SLFN14: variants seen among roughly 807,000 people sequenced by gnomAD.
SLFN14 encodes the protein protein SLFN14.
A neutral mutation model predicts 58.6 loss-of-function variants in SLFN14; 47 were observed. The observed-to-expected ratio is 0.80, with a 90% CI of 0.64 to 1.02. The LOEUF is 1.02. Among genes scored for constraint, SLFN14 ranks in the 50% least tolerant of loss-of-function variants. The pLI, the probability that SLFN14 is intolerant of heterozygous loss-of-function variation, is 0.00. For missense variants in SLFN14, 967 were observed against 1,078.4 expected (o/e 0.90, Z 1.45); for synonymous variants, 390 against 387.3 (o/e 1.01, Z -0.08).
chr17:35,560,453 G>T (rs1164449967), intron 1 of SLFN14, among the ~76,000 whole-genome samples: 17 of 152,118 alleles, frequency 1.1e-4, no homozygotes, highest in Non-Finnish European at 1.5e-5. Flanking sequence ...TCAGCCTCCA[G>T]AGTAGCTGGG....
In SLFN14 at chr17:35,552,717, G is replaced by A. The variant is rs2072607011; in HGVS notation, c.1904+13C>T. On this transcript the variant is annotated intron_variant, in intron 5 of 5. Coordinates refer to ENST00000674182, the MANE Select transcript of SLFN14 (RefSeq NM_001129820.2). The stretch of plus-strand genomic sequence containing the variant: ...ACATATTTTTGTGTGTGTGTAGTTG[G>A]TAAAACTCTTACGTCACAAAATCCT... The A allele has an allele frequency of 6.5e-7, 1 of 1,526,870 alleles. No individual in the cohort carries two copies. The highest frequency in any genetic ancestry group is 8.8e-7 in the Non-Finnish European group (1 of 1,137,546). The allele number at this position is 1,526,870 out of a possible 1,614,324, so 94.6% of individuals were successfully genotyped here. A position where few individuals can be genotyped will look rare whatever the true frequency, so the allele number is the denominator to read the frequency against.
At chr17:35,554,477 C>A in intron 4 of SLFN14, 99 bp downstream of exon 4, 2 of 987,330 alleles carry the variant, frequency 2.0e-6, no homozygotes, top group East Asian at 3.7e-5. Flanking sequence ...TTCATTTGAC[C>A]TTCCCTAAGG....
rs116544366 is a variant in SLFN14, at chr17:35,560,100, C to T, written c.-123-295G>A. Among the ~76,000 whole-genome samples, 278 of 152,302 alleles carry T rather than the reference C, an allele frequency of 1.8e-3. 1 individual carries two copies. Among genetic ancestry groups the T allele is most frequent in the African/African-American group, 6.4e-3 (266 of 41,566 alleles). On this transcript the variant is annotated intron_variant, in intron 1 of 5. Coordinates refer to ENST00000674182, the MANE Select transcript of SLFN14 (RefSeq NM_001129820.2). ...CCCTCTAGTCCCTTCTAATTTCTGA[C>T]GTCTGTGTTAGAAATGGTCTCCTTA...
At chr17:35,556,472 A>G (rs957566238) in intron 3 of SLFN14, among the ~76,000 whole-genome samples, 3 of 152,170 alleles carry the variant, frequency 2.0e-5, no homozygotes, top group South Asian at 2.1e-4. Flanking sequence ...CTGATGGCAT[A>G]CTGTAACTTT....
At position 35,558,099 on chromosome 17, in the gene SLFN14, AG is replaced by A. The variant is rs745372390; in HGVS notation, c.-38del. 11 of 1,495,490 alleles carry A rather than the reference AG, an allele frequency of 7.4e-6. No individual in the cohort carries two copies. The South Asian group carries it at 1.3e-4, about 17-fold the overall frequency. The allele number at this position is 1,495,490 out of a possible 1,614,324, so 92.6% of individuals were successfully genotyped here. ...CTCTGTGCTCCAAACAATAAAAGAAAGGAGTTCCTATAATCAGGACAGAAAT... is the reference window on the plus strand; with the variant it reads ...CTCTGTGCTCCAAACAATAAAAGAAAGAGTTCCTATAATCAGGACAGAAAT... On this transcript the variant is annotated 5_prime_UTR_variant, in exon 3 of 6. An upstream open reading frame in the 5' UTR gains an earlier in-frame stop. Coordinates refer to ENST00000674182, the MANE Select transcript of SLFN14 (RefSeq NM_001129820.2).
At chr17:35,551,291 C>A (rs530966796) in intron 5 of SLFN14, among the ~76,000 whole-genome samples, 1 of 152,148 alleles carries the variant, frequency 6.6e-6, no homozygotes, top group African/African-American at 2.4e-5. Flanking sequence ...GTGTGTGCAA[C>A]CAACTCCCAG....
rs147396945 is a variant in SLFN14, at chr17:35,557,105, C to T, written c.958G>A (p.Val320Met). The change falls in exon 3 of 6, where the codon GTG becomes ATG. Residue 320 changes from valine (V) to methionine (M), a missense_variant. Transcript: ENST00000674182. ...GAATCTGGGGCCTCTGCAAACACCACGCAACAGAAGGGCTCCACTTGAATC... is the reference window on the plus strand; with the variant it reads ...GAATCTGGGGCCTCTGCAAACACCATGCAACAGAAGGGCTCCACTTGAATC... ...CVIQVEPFCC[V>M]VFAEAPDSWI... The T allele has an allele frequency of 1.3e-3, 2,085 of 1,551,622 alleles. 4 individuals carry two copies. The highest frequency in any genetic ancestry group is 1.7e-3 in the Non-Finnish European group (1,932 of 1,146,968).
intron 3 of SLFN14, among the ~76,000 whole-genome samples, chr17:35,556,107 G>C (rs913782929): frequency 6.6e-6 from 1 of 151,858 alleles, no homozygotes; most frequent in Non-Finnish European, 1.5e-5. Context: ...GAGTGATCTT[G>C]GCTGACTACA....
At chr17:35,559,140 C>G (rs897536387) in intron 2 of SLFN14, among the ~76,000 whole-genome samples, 57 of 152,056 alleles carry the variant, frequency 3.7e-4, no homozygotes, top group African/African-American at 1.3e-3. Context: ...GTGGGAGGAT[C>G]TCTTGAGCCC....
intron 5 of SLFN14, among the ~76,000 whole-genome samples, chr17:35,551,109 G>A (rs2072581855): frequency 6.6e-6 from 1 of 152,122 alleles, no homozygotes. Flanking sequence ...AGATGTTTAA[G>A]GTTGAACATT....
chr17:35,556,948 G>A (rs973848623), intron 3 of SLFN14, 55 bp downstream of exon 3: 27 of 1,441,658 alleles, frequency 1.9e-5, no homozygotes, highest in Non-Finnish European at 2.3e-5. Context: ...CCCACAAAAG[G>A]CAGAGAAAGG....
At chr17:35,551,682 A>G (rs937606023) in intron 5 of SLFN14, among the ~76,000 whole-genome samples, 1 of 152,242 alleles carries the variant, frequency 6.6e-6, no homozygotes, top group Non-Finnish European at 1.5e-5. Context: ...CCCTAGCAGC[A>G]GTAGTCGTTC....
chr17:35,555,420 G>A (rs890338728), intron 3 of SLFN14, among the ~76,000 whole-genome samples: 2 of 151,622 alleles, frequency 1.3e-5, no homozygotes, highest in Admixed American at 1.3e-4. Context: ...TGGGCGTGGT[G>A]GTGTGCCTGT....
chr17:35,554,612 T>G lies in SLFN14; in HGVS notation c.1153A>C (p.Lys385Gln). The change falls in exon 4 of 6, where the codon AAA (lysine) becomes CAA (glutamine). Residue 385 changes from lysine (K) to glutamine (Q), a missense_variant. Lys to Gln is a moderately conservative substitution (Grantham distance 53). Transcript: ENST00000674182. ...KSPGYPIKVHKFKEALQRHLF... is the reference protein window; with the variant it reads ...KSPGYPIKVHQFKEALQRHLF... ...TGTCGTTGCAGAGCCTCCTTAAATTTGTGGACTTTTATGGGATATCCGGGA... is the reference window on the plus strand; with the variant it reads ...TGTCGTTGCAGAGCCTCCTTAAATTGGTGGACTTTTATGGGATATCCGGGA... The G allele has an allele frequency of 1.3e-6, 2 of 1,533,182 alleles. No individual in the cohort carries two copies. Among genetic ancestry groups the G allele is most frequent in the Non-Finnish European group, 1.8e-6 (2 of 1,138,082 alleles). 95.0% of individuals were successfully genotyped at this position (1,533,182 alleles called of 1,614,324 possible).
chr17:35,560,598 G>T (rs1195484360), intron 1 of SLFN14, among the ~76,000 whole-genome samples, 169 bp downstream of exon 1: 1 of 152,142 alleles, frequency 6.6e-6, no homozygotes, highest in Non-Finnish European at 1.5e-5. Context: ...AAAGTGCTGG[G>T]ATTATAGGGA....
In SLFN14 at chr17:35,544,438, G is replaced by A. The variant is rs1008094335; in HGVS notation, c.*3801C>T. On this transcript the variant is annotated 3_prime_UTR_variant, in exon 6 of 6. Transcript: ENST00000674182. ...GATGGCACAACTTGATCATAACTGT[G>A]TGAAAATATTTTTCCATATCAACAA... Among the ~76,000 whole-genome samples the A allele has an allele frequency of 6.6e-6, 1 of 151,954 alleles. No individual in the cohort carries two copies. Among genetic ancestry groups the A allele is most frequent in the African/African-American group, 2.4e-5 (1 of 41,358 alleles).
In SLFN14 at chr17:35,549,035, A is replaced by G. The variant is rs2072560403; in HGVS notation, c.1943T>C (p.Phe648Ser). The change falls in exon 6 of 6, where the codon TTC becomes TCC. Residue 648 changes from phenylalanine (F) to serine (S), a missense_variant. Transcript: ENST00000674182. ...TTCQAVTRKT[F>S]MQGEFLKIKH... ...AATCTTTAGAAACTCCCCTTGCATGAAAGTTTTCCTGGTCACAGCTTGGCA... is the reference window on the plus strand; with the variant it reads ...AATCTTTAGAAACTCCCCTTGCATGGAAGTTTTCCTGGTCACAGCTTGGCA... 1 of 1,551,678 alleles carries G rather than the reference A, an allele frequency of 6.4e-7. No homozygotes were observed. The highest frequency in any genetic ancestry group is 8.7e-7 in the Non-Finnish European group (1 of 1,146,978).
rs1010232720 is a variant in SLFN14 at position 35,553,049 on chromosome 17, A to G, written c.1585T>C (p.Tyr529His). 7.7e-6 allele frequency: 12 copies of G among 1,551,548 alleles called. No individual in the cohort carries two copies. Among genetic ancestry groups the G allele is most frequent in the Middle Eastern group, 1.7e-4 (1 of 6,014 alleles). ...TCAGCAAGCCTGTAGGACCTGGGGT[A>G]ACGCAGGGGGATCTCACCAGGTCTA... is the stretch of plus-strand genomic sequence containing the variant. Reference protein sequence around the residue: ...QSRPGEIPLRYPRSYRLADEE... With the variant: ...QSRPGEIPLRHPRSYRLADEE... Residue 529 changes from tyrosine (Y) to histidine (H), a missense_variant, in exon 5 of 6, where the codon TAC (tyrosine) becomes CAC (histidine). Coordinates refer to ENST00000674182, the MANE Select transcript of SLFN14 (RefSeq NM_001129820.2).
chr17:35,560,747 ATTT>A lies in SLFN14; in HGVS notation c.-124+17_-124+19del. ...TTAGATAAATGAGATATTTTTAAGA[ATTT>A]TTTTTTTTTTTTTTACCTATGCTCC... is the stretch of plus-strand genomic sequence containing the variant. On this transcript the variant is annotated intron_variant, in intron 1 of 5. Coordinates refer to ENST00000674182, the MANE Select transcript of SLFN14 (RefSeq NM_001129820.2). 7.0e-6 allele frequency among the ~76,000 whole-genome samples: 1 copy of A among 142,390 alleles called. No individual in the cohort carries two copies. The highest frequency in any genetic ancestry group is 1.5e-5 in the Non-Finnish European group (1 of 66,108). 93.4% of individuals were successfully genotyped at this position (142,390 alleles called of 152,430 possible). A position where few individuals can be genotyped will look rare whatever the true frequency, so the allele number is the denominator to read the frequency against.
Sources: gnomAD v4.1 joint callset for allele counts (sites outside exome capture counted in the v4.1 genomes callset) on GRCh38, gnomAD v4.1.1 for gene constraint, MANE v1.5 for transcripts, NCBI Gene and HGNC (gene_info 2026-07-23, HGNC 2026-07-21) for gene names.